CDK19: variants seen among roughly 807,000 people sequenced by gnomAD.
CDK19 encodes the protein cyclin-dependent kinase 19.
Under a neutral mutation model 68.3 loss-of-function variants are expected in CDK19, and 20 were observed. The ratio of observed to expected loss-of-function variants is 0.29; its 90% confidence interval spans 0.21 to 0.43. The LOEUF (loss-of-function observed/expected upper bound fraction) is 0.43, where lower values mean the gene tolerates loss of function less well. CDK19 is among the 20% of genes least tolerant of loss of function. The probability of loss-of-function intolerance (pLI) is 1.00; values close to 1 mark genes in which losing one functional copy is unlikely to be tolerated. For synonymous variants in CDK19, 221 were observed against 222.8 expected, an observed-to-expected ratio of 0.99 and a Z score of 0.07; for missense variants, 339 against 623.5, an observed-to-expected ratio of 0.54 and a Z score of 4.86.
At chr6:110,799,043 C>T (rs1458037460) in intron 1 of CDK19, among the ~76,000 whole-genome samples, 3 of 147,926 alleles carry the variant, frequency 2.0e-5, no homozygotes, top group Admixed American at 6.9e-5. Flanking sequence ...ACTCAGGAGG[C>T]TGAGGTGGGA....
intron 4 of CDK19, among the ~76,000 whole-genome samples, chr6:110,661,450 T>TATTG (rs1274495329): frequency 3.8e-4 from 58 of 152,058 alleles, no homozygotes; most frequent in Non-Finnish European, 7.4e-4. Context: ...TTTTTTATTT[T>TATTG]ATTTATTTAG....
At chr6:110,813,097 A>G (rs1783243633) in intron 1 of CDK19, 1 of 151,794 alleles carries the variant, frequency 6.6e-6, no homozygotes, top group East Asian at 1.9e-4. Flanking sequence ...CACACAAACT[A>G]ATCTTACTCT....
At chr6:110,630,413 T>C (rs749765868) in intron 6 of CDK19, among the ~76,000 whole-genome samples, 5 of 152,244 alleles carry the variant, frequency 3.3e-5, no homozygotes, top group Non-Finnish European at 7.3e-5. Flanking sequence ...TTACTTTCAG[T>C]CTCTTCCTAT....
At chr6:110,802,022 T>A (rs1477737161) in intron 1 of CDK19, among the ~76,000 whole-genome samples, 2 of 152,016 alleles carry the variant, frequency 1.3e-5, no homozygotes, top group African/African-American at 4.8e-5. Context: ...TTATCAAAAA[T>A]AAAAAGCAAG....
chr6:110,631,155 G>A (rs569540919), intron 6 of CDK19, among the ~76,000 whole-genome samples: 18 of 152,272 alleles, frequency 1.2e-4, no homozygotes, highest in Middle Eastern at 3.4e-3. Flanking sequence ...GCTAAAGGTA[G>A]CCAAAACTGA....
At chr6:110,717,208 T>C (rs1224075041) in intron 2 of CDK19, among the ~76,000 whole-genome samples, 1 of 133,010 alleles carries the variant, frequency 7.5e-6, no homozygotes, top group African/African-American at 2.6e-5. Context: ...GGAGTGCTTA[T>C]ATGATATATA....
At chr6:110,738,192 AAAAG>A (rs1196623112) in intron 2 of CDK19, among the ~76,000 whole-genome samples, 1 of 152,114 alleles carries the variant, frequency 6.6e-6, no homozygotes, top group Non-Finnish European at 1.5e-5. Flanking sequence ...TTTAAAAAGA[AAAAG>A]AAACTTGCAC....
chr6:110,767,296 G>A (rs1456193049), intron 1 of CDK19, among the ~76,000 whole-genome samples: 3 of 151,786 alleles, frequency 2.0e-5, no homozygotes, highest in Non-Finnish European at 4.4e-5. Flanking sequence ...AAGTTCTGGT[G>A]TTCCATAGCA....
chr6:110,743,774 A>T (rs1448649306), intron 2 of CDK19, among the ~76,000 whole-genome samples: 1 of 152,148 alleles, frequency 6.6e-6, no homozygotes, highest in Non-Finnish European at 1.5e-5. Context: ...CAAAAAGGAC[A>T]TTTATAATTG....
At chr6:110,623,884 T>C (rs1330233172) in intron 8 of CDK19, among the ~76,000 whole-genome samples, 7 of 68,316 alleles carry the variant, frequency 1.0e-4, no homozygotes, top group African/African-American at 5.5e-4. Flanking sequence ...TATACGTATA[T>C]ATATATGTGT....
At chr6:110,764,060 A>G (rs922361949) in intron 1 of CDK19, among the ~76,000 whole-genome samples, 3 of 152,178 alleles carry the variant, frequency 2.0e-5, no homozygotes, top group South Asian at 2.1e-4. Flanking sequence ...TAAAATATAT[A>G]TAAGGAAAAC....
At chr6:110,671,187 G>C (rs183318456) in intron 2 of CDK19, among the ~76,000 whole-genome samples, 86 of 152,134 alleles carry the variant, frequency 5.7e-4, no homozygotes, top group Non-Finnish European at 8.8e-4. Context: ...ACTTCACAAA[G>C]TAAAAGCTTT....
chr6:110,615,988 A>AC (rs1240727374), intron 12 of CDK19, among the ~76,000 whole-genome samples: 2 of 151,532 alleles, frequency 1.3e-5, no homozygotes, highest in African/African-American at 2.4e-5. Context: ...CATTTTTCAC[A>AC]CCCCTTTGAT....
intron 2 of CDK19, among the ~76,000 whole-genome samples, chr6:110,689,197 T>C (rs565064592): frequency 5.3e-4 from 81 of 152,180 alleles, no homozygotes; most frequent in African/African-American, 1.6e-3. Context: ...CTCTGGAACA[T>C]TACCCCAGAG....
chr6:110,710,847 C>T (rs1004899478), intron 2 of CDK19, among the ~76,000 whole-genome samples: 2 of 152,170 alleles, frequency 1.3e-5, no homozygotes. Context: ...TATCCTCCCT[C>T]CCGTAGAAGA....
At chr6:110,618,018 G>A (rs1042305734) in intron 12 of CDK19, among the ~76,000 whole-genome samples, 2 of 151,950 alleles carry the variant, frequency 1.3e-5, no homozygotes, top group African/African-American at 4.8e-5. Flanking sequence ...ATAAAAATGG[G>A]TGGCACCACA....
At chr6:110,625,541 A>C (rs1158230104) in intron 8 of CDK19, among the ~76,000 whole-genome samples, 1 of 152,052 alleles carries the variant, frequency 6.6e-6, no homozygotes, top group Non-Finnish European at 1.5e-5. Context: ...TTTGGTTTTG[A>C]ATGTTTGAAG....
chr6:110,791,931 C>T (rs1396591161), intron 1 of CDK19, among the ~76,000 whole-genome samples: 1 of 152,054 alleles, frequency 6.6e-6, no homozygotes, highest in East Asian at 1.9e-4. Context: ...CAGGCATAAG[C>T]CACCAAGCCC....
At chr6:110,661,980 TG>T (rs35026356) in intron 4 of CDK19, among the ~76,000 whole-genome samples, 37,555 of 151,608 alleles carry the variant, frequency 0.25, 5,165 homozygotes, top group African/African-American at 0.37. Context: ...TTTTATTTTT[TG>T]GGGGGGGAGA....
Sources: gnomAD v4.1 joint callset for allele counts (sites outside exome capture counted in the v4.1 genomes callset) on GRCh38, gnomAD v4.1.1 for gene constraint, MANE v1.5 for transcripts, NCBI Gene and HGNC (gene_info 2026-07-23, HGNC 2026-07-21) for gene names.